The following RMP64 variants were observed in gnomAD, a reference collection of about 807,000 sequenced individuals.
RMP64 encodes nucleolus and neural progenitor protein.
chr3:113,013,961 A>G, the RMP64 span: 2 of 1,612,376 alleles, frequency 1.2e-6, no homozygotes, highest in South Asian at 1.1e-5. Context: ...ACTTGGAAGA[A>G]AACAACTCAA....
the RMP64 span, chr3:113,005,876 C>CT: frequency 6.2e-7 from 1 of 1,613,658 alleles, no homozygotes; most frequent in Non-Finnish European, 8.5e-7. Flanking sequence ...CTGTGGTTTC[C>CT]TTTGTCTCCG....
the RMP64 span, chr3:113,011,612 T>TG: frequency 2.4e-6 from 1 of 412,054 alleles, no homozygotes; most frequent in African/African-American, 2.0e-5. Context: ...CAAAAAACTG[T>TG]AAGACAGTCT....
the RMP64 span, among the ~76,000 whole-genome samples, chr3:113,006,473 T>A: frequency 7.6e-3 from 1,164 of 152,258 alleles, 20 homozygotes; most frequent in African/African-American, 0.026. Context: ...TATAAAACAA[T>A]ATGAAGACAG....
At chr3:113,008,954 C>T in the RMP64 span, among the ~76,000 whole-genome samples, 2 of 152,182 alleles carry the variant, frequency 1.3e-5, no homozygotes, top group Non-Finnish European at 2.9e-5. Flanking sequence ...CTTCGCTACA[C>T]CACCAGATTA....
chr3:113,010,696 A>T, the RMP64 span: 1 of 1,613,242 alleles, frequency 6.2e-7, no homozygotes, highest in Non-Finnish European at 8.5e-7. Flanking sequence ...TCAAATTCTG[A>T]TGACTCTTCT....
chr3:113,009,237 T>C, the RMP64 span, among the ~76,000 whole-genome samples: 1 of 152,196 alleles, frequency 6.6e-6, no homozygotes, highest in African/African-American at 2.4e-5. Context: ...TTACTATTTC[T>C]TTATGAAAAT....
the RMP64 span, among the ~76,000 whole-genome samples, chr3:113,016,579 C>T: frequency 1.3e-5 from 2 of 152,104 alleles, no homozygotes; most frequent in Non-Finnish European, 1.5e-5. Flanking sequence ...AAGATAAAAG[C>T]CACCCTAGAA....
chr3:113,013,643 A>T, the RMP64 span, among the ~76,000 whole-genome samples: 2 of 152,114 alleles, frequency 1.3e-5, no homozygotes. Flanking sequence ...AATATAAAGC[A>T]TTTCTATAGC....
At chr3:113,006,057 T>C in the RMP64 span, 2 of 1,242,700 alleles carry the variant, frequency 1.6e-6, no homozygotes, top group African/African-American at 3.0e-5. Context: ...AAAAACATTC[T>C]CAAGCACTTT....
the RMP64 span, chr3:113,008,050 A>C: frequency 2.5e-6 from 2 of 790,860 alleles, no homozygotes; most frequent in Admixed American, 2.5e-5. Context: ...GTTTGAGTAC[A>C]TCCCAATTTA....
chr3:113,008,770 G>A, the RMP64 span: 1 of 207,656 alleles, frequency 4.8e-6, no homozygotes, highest in Non-Finnish European at 9.8e-6. Context: ...AAGTTGTTTT[G>A]TTCCCCCTCT....
At chr3:113,011,523 T>TA in the RMP64 span, 6 of 854,890 alleles carry the variant, frequency 7.0e-6, no homozygotes, top group South Asian at 3.9e-5. Flanking sequence ...CCAGTACAGA[T>TA]AAAAAACACT....
At chr3:113,010,535 G>A in the RMP64 span, 2 of 893,730 alleles carry the variant, frequency 2.2e-6, no homozygotes, top group Non-Finnish European at 3.6e-6. Context: ...AAGGCACTAA[G>A]CTTAGAGCTG....
the RMP64 span, chr3:113,011,410 G>C: frequency 6.4e-7 from 1 of 1,551,190 alleles, no homozygotes; most frequent in East Asian, 2.3e-5. Context: ...GAGAACCCTA[G>C]AGAAAGAAAT....
the RMP64 span, among the ~76,000 whole-genome samples, chr3:113,006,636 T>C: frequency 6.6e-6 from 1 of 152,244 alleles, no homozygotes; most frequent in Admixed American, 6.5e-5. Flanking sequence ...CATCAGTGCC[T>C]TGCTGAATTG....
the RMP64 span, chr3:113,019,525 C>A: frequency 1.3e-6 from 2 of 1,599,504 alleles, no homozygotes; most frequent in Non-Finnish European, 1.7e-6. Context: ...CCCATCCTCG[C>A]CCGGCGCCTC....
chr3:113,002,966 T>A, the RMP64 span: 3 of 152,222 alleles, frequency 2.0e-5, no homozygotes, highest in Admixed American at 2.0e-4. Context: ...AGCAGTGACT[T>A]TAGTATGAAG....
the RMP64 span, among the ~76,000 whole-genome samples, chr3:113,016,697 A>G: frequency 2.0e-5 from 3 of 152,230 alleles, no homozygotes; most frequent in Non-Finnish European, 4.4e-5. Context: ...GCATGCATCT[A>G]TAAGGTTAGA....
chr3:113,010,568 T>TCTCTGCCC, the RMP64 span: 1 of 1,191,288 alleles, frequency 8.4e-7, no homozygotes, highest in East Asian at 2.3e-5. Flanking sequence ...AAAGATTCAA[T>TCTCTGCCC]CTCTGCCCTT....
Sources: gnomAD v4.1 joint callset for allele counts (sites outside exome capture counted in the v4.1 genomes callset) on GRCh38, gnomAD v4.1.1 for gene constraint, MANE v1.5 for transcripts, NCBI Gene and HGNC (gene_info 2026-07-23, HGNC 2026-07-21) for gene names.